Variants in DDHD2 observed in about 807,000 individuals in gnomAD.
DDHD2 encodes DDHD domain containing 2.
A neutral mutation model predicts 91.2 loss-of-function variants in DDHD2; 62 were observed. The ratio of observed to expected loss-of-function variants is 0.68; its 90% confidence interval spans 0.55 to 0.84. The LOEUF (loss-of-function observed/expected upper bound fraction) is 0.84. Among genes scored for constraint, DDHD2 ranks in the 40% least tolerant of loss-of-function variants. The probability of loss-of-function intolerance (pLI) is 0.00; values close to 1 mark genes in which losing one functional copy is unlikely to be tolerated. For missense variants in DDHD2, 740 were observed against 846.9 expected, an observed-to-expected ratio of 0.87 and a Z score of 1.57; for synonymous variants, 271 against 293.9, an observed-to-expected ratio of 0.92 and a Z score of 0.80.
chr8:38,269,296 G>C (rs1333359700), intron 1 of DDHD2: 4 of 1,234,646 alleles, frequency 3.2e-6, no homozygotes, highest in Non-Finnish European at 4.2e-6. Flanking sequence ...CCAGTTGCCC[G>C]CGCTCCGGCG....
chr8:38,250,058 A>C, intron 11 of DDHD2: 1 of 201,624 alleles, frequency 5.0e-6, no homozygotes, highest in Non-Finnish European at 1.0e-5. Context: ...CTGGGACTAC[A>C]GGCGCCCACC....
intron 5 of DDHD2, among the ~76,000 whole-genome samples, 198 bp from the exon 6 acceptor site, chr8:38,240,077 T>C (rs893051803): frequency 6.6e-6 from 1 of 152,174 alleles, no homozygotes; most frequent in Non-Finnish European, 1.5e-5. Flanking sequence ...AAAAAAATTT[T>C]ACAGACTTAT....
intron 1 of DDHD2, chr8:38,268,715 T>A: frequency 1.4e-6 from 2 of 1,432,464 alleles, no homozygotes; most frequent in Non-Finnish European, 1.8e-6. Flanking sequence ...CACCCTCCTC[T>A]CTCAATCAGG....
At chr8:38,272,628 A>G (rs1808509866), downstream of DDHD2, 1 of 152,226 alleles carries the variant, frequency 6.6e-6, no homozygotes, top group South Asian at 2.1e-4. Flanking sequence ...CAAAAATCTT[A>G]TGTTCACTTC....
chr8:38,269,036 C>T (rs748734887), intron 1 of DDHD2: 43 of 1,533,362 alleles, frequency 2.8e-5, no homozygotes, highest in Middle Eastern at 1.7e-4. Flanking sequence ...TGGCTTCCTC[C>T]CCGCTTCCCC....
chr8:38,247,937 A>G (rs1033715000), intron 10 of DDHD2, 102 bp downstream of exon 10: 10 of 849,682 alleles, frequency 1.2e-5, no homozygotes, highest in African/African-American at 3.5e-5. Context: ...AGTCATAAAT[A>G]CTTTATGATT....
chr8:38,253,822 A>T, intron 16 of DDHD2, 104 bp downstream of exon 16: 2 of 1,209,944 alleles, frequency 1.7e-6, no homozygotes, highest in Non-Finnish European at 2.3e-6. Flanking sequence ...GCTCAGGCTT[A>T]TAATCTCAGC....
At chr8:38,241,727 G>C (rs1449461356) in intron 6 of DDHD2, among the ~76,000 whole-genome samples, 2 of 150,310 alleles carry the variant, frequency 1.3e-5, no homozygotes, top group Admixed American at 1.3e-4. Context: ...CCTGAAGTTA[G>C]CCTTCTTTTG....
At chr8:38,248,341 G>A (rs1805813241) in intron 10 of DDHD2, among the ~76,000 whole-genome samples, 1 of 150,128 alleles carries the variant, frequency 6.7e-6, no homozygotes, top group South Asian at 2.1e-4. Context: ...GATTACATGT[G>A]TGAGCCACCG....
downstream of DDHD2, chr8:38,264,970 T>C (rs1807354574): frequency 6.4e-7 from 1 of 1,557,020 alleles, no homozygotes; most frequent in African/African-American, 1.4e-5. Flanking sequence ...GAATAAAGTA[T>C]TTTAAGAGTT....
chr8:38,232,927 G>T, intron 1 of DDHD2, 60 bp from the exon 2 acceptor site: 1 of 1,139,326 alleles, frequency 8.8e-7, no homozygotes, highest in East Asian at 2.4e-5. Flanking sequence ...TTGTGCGTGT[G>T]TGTGTGCGAA....
chr8:38,245,663 TAAGCTTG>T (rs1805579776), intron 7 of DDHD2, 72 bp from the exon 8 acceptor site: 1 of 1,281,646 alleles, frequency 7.8e-7, no homozygotes, highest in Non-Finnish European at 1.1e-6. Flanking sequence ...ATAAAATGTT[TAAGCTTG>T]AAGGCTTAAA....
rs371675401 is a variant in DDHD2 at position 38,248,370 on chromosome 8, GT to G, written c.1248+552del. 3.5e-3 allele frequency among the ~76,000 whole-genome samples: 373 copies of G among 107,084 alleles called. 1 individual carries two copies. Among genetic ancestry groups the G allele is most frequent in the Middle Eastern group, 4.8e-3 (1 of 210 alleles). 70.3% of individuals were successfully genotyped at this position (107,084 alleles called of 152,430 possible). ...GCCACCGTGCCCAGCCAGCTGATTT[GT>G]TTTTTTTTTTTTTTTTCCATTTTTG... On this transcript the variant is annotated intron_variant, in intron 10 of 17. Transcript: ENST00000397166.
At chr8:38,268,730 T>G (rs968439902) in intron 1 of DDHD2, 1 of 1,433,448 alleles carries the variant, frequency 7.0e-7, no homozygotes, top group Non-Finnish European at 9.1e-7. Context: ...ATCAGGATCT[T>G]AAACACTCGA....
At chr8:38,269,184 C>G in intron 1 of DDHD2, 3 of 1,503,226 alleles carry the variant, frequency 2.0e-6, no homozygotes, top group Non-Finnish European at 2.6e-6. Context: ...GCCACCGCCG[C>G]CGCCGCCTTC....
chr8:38,232,882 G>A, intron 1 of DDHD2, 105 bp from the exon 2 acceptor site: 1 of 678,984 alleles, frequency 1.5e-6, no homozygotes, highest in East Asian at 2.7e-5. Context: ...TGTTGTTGTT[G>A]TTGTTGCAGA....
intron 3 of DDHD2, among the ~76,000 whole-genome samples, chr8:38,236,376 A>T (rs1585701153): frequency 7.5e-6 from 1 of 133,922 alleles, no homozygotes; most frequent in African/African-American, 2.8e-5. Flanking sequence ...TGTTTTTGAG[A>T]CAGAGTCTCA....
chr8:38,260,064 C>T lies in DDHD2; in HGVS notation c.2079C>T (p.Leu693=), dbSNP rs764676419. ...CYWESEDTVL[L]VLKEIYQTQG... ...GGGAGTCTGAAGATACAGTATTGCTCGTCCTCAAAGAGATCTACCAAACCC... is the reference window on the plus strand; with the variant it reads ...GGGAGTCTGAAGATACAGTATTGCTTGTCCTCAAAGAGATCTACCAAACCC... The change falls in exon 17 of 18, where the codon CTC becomes CTT. Residue 693 remains leucine (L), a synonymous_variant. Transcript: ENST00000397166. 11 of 1,613,230 alleles carry T rather than the reference C, an allele frequency of 6.8e-6. No homozygotes were observed. Among genetic ancestry groups the T allele is most frequent in the Middle Eastern group, 1.6e-4 (1 of 6,062 alleles).
intron 3 of DDHD2, among the ~76,000 whole-genome samples, chr8:38,237,314 T>C (rs539650321): frequency 6.6e-6 from 1 of 152,052 alleles, no homozygotes; most frequent in South Asian, 2.1e-4. Flanking sequence ...GGGCGGAGGT[T>C]GCAGTGAGCC....
Sources: gnomAD v4.1 joint callset for allele counts (sites outside exome capture counted in the v4.1 genomes callset) on GRCh38, gnomAD v4.1.1 for gene constraint, MANE v1.5 for transcripts, NCBI Gene and HGNC (gene_info 2026-07-23, HGNC 2026-07-21) for gene names.